The following DHRSX variants were observed in gnomAD, a reference collection of about 807,000 sequenced individuals.
The protein encoded by DHRSX is polyprenol dehydrogenase.
A neutral mutation model predicts 34.0 loss-of-function variants in DHRSX; 31 were observed. That is an observed-to-expected ratio of 0.91 (90% CI 0.69 to 1.23). The LOEUF (loss-of-function observed/expected upper bound fraction) is 1.23. Ranked by LOEUF, DHRSX falls within the 50% of genes most tolerant of loss-of-function variation. The pLI, the probability that DHRSX is intolerant of heterozygous loss-of-function variation, is 0.00. For missense variants in DHRSX, 414 were observed against 428.1 expected, an observed-to-expected ratio of 0.97 and a Z score of 0.29; for synonymous variants, 201 against 183.8, an observed-to-expected ratio of 1.09 and a Z score of -0.76.
intron 1 of DHRSX, among the ~76,000 whole-genome samples, chrX:2,425,920 G>C (rs998451086): frequency 1.3e-5 from 2 of 152,282 alleles, no homozygotes; most frequent in East Asian, 3.9e-4. Flanking sequence ...CAGTTGGCTA[G>C]TGTGAATGAT....
intron 1 of DHRSX, among the ~76,000 whole-genome samples, chrX:2,427,498 C>A (rs947824222): frequency 6.2e-4 from 95 of 152,316 alleles, no homozygotes; most frequent in Non-Finnish European, 1.2e-3. Flanking sequence ...CACAGTTCAG[C>A]ACAGGTGGTA....
At chrX:2,499,085 T>TC (rs1401450160) in intron 1 of DHRSX, among the ~76,000 whole-genome samples, 1 of 152,212 alleles carries the variant, frequency 6.6e-6, no homozygotes, top group Admixed American at 6.5e-5. Flanking sequence ...AAACATCCAC[T>TC]CCAGGCACGC....
At chrX:2,471,911 C>T (rs1256483955) in intron 1 of DHRSX, among the ~76,000 whole-genome samples, 2 of 151,860 alleles carry the variant, frequency 1.3e-5, no homozygotes, top group African/African-American at 4.8e-5. Flanking sequence ...TTTGGGAGGC[C>T]GTGGAGGGCA....
rs140118163 is a variant in DHRSX, at chrX:2,263,402, G to A, written c.596+3338C>T. Among the ~76,000 whole-genome samples the A allele has an allele frequency of 9.0e-3, 1,367 of 152,196 alleles. 17 individuals carry two copies. Among genetic ancestry groups the A allele is most frequent in the African/African-American group, 0.031 (1,296 of 41,538 alleles). The stretch of plus-strand genomic sequence containing the variant: ...AGGTGCCATGTGTGAACCAGGAAGC[G>A]GGTTCTCGCCAGACGCTGGCACACT... On this transcript the variant is annotated intron_variant, in intron 5 of 6. Transcript: ENST00000334651.
intron 3 of DHRSX, among the ~76,000 whole-genome samples, chrX:2,395,915 G>T (rs1009995191): frequency 1.3e-5 from 2 of 152,064 alleles, no homozygotes; most frequent in African/African-American, 4.8e-5. Context: ...GTCTCCCGAG[G>T]CTGCTGTGAC....
chrX:2,323,056 T>C (rs1445919925), intron 3 of DHRSX, among the ~76,000 whole-genome samples: 1 of 90,264 alleles, frequency 1.1e-5, no homozygotes, highest in African/African-American at 4.6e-5. Flanking sequence ...CCTGAGTATC[T>C]GGGATTACAG....
At chrX:2,451,645 G>T (rs1480889021) in intron 1 of DHRSX, among the ~76,000 whole-genome samples, 1 of 152,218 alleles carries the variant, frequency 6.6e-6, no homozygotes, top group Non-Finnish European at 1.5e-5. Context: ...CAGGCTGGCT[G>T]CGTCTCTCAC....
intron 2 of DHRSX, 111 bp from the exon 3 acceptor site, chrX:2,408,924 T>G: frequency 1.1e-6 from 1 of 912,358 alleles, no homozygotes; most frequent in Non-Finnish European, 1.7e-6. Context: ...ATCTGAAATG[T>G]GCCTTTGATG....
At chrX:2,359,559 A>C (rs1381500923) in intron 3 of DHRSX, among the ~76,000 whole-genome samples, 2 of 152,114 alleles carry the variant, frequency 1.3e-5, no homozygotes, top group Non-Finnish European at 2.9e-5. Flanking sequence ...GTGCACCTGT[A>C]ATCCCAGCTA....
rs773976596 is a variant in DHRSX at position 2,365,897 on chromosome X, T to C, written c.286+42848A>G. ...GGTTGATAGGTGTAGCAAACCACCA[T>C]GGCACATGTATACATATGAACTAGT... On this transcript the variant is annotated intron_variant, in intron 3 of 6. Transcript: ENST00000334651. Among the ~76,000 whole-genome samples the C allele has an allele frequency of 6.6e-5, 10 of 152,210 alleles. No homozygotes were observed. In the South Asian group the frequency reaches 1.9e-3, roughly 28 times the overall value.
At chrX:2,430,811 A>G (rs1226039783) in intron 1 of DHRSX, among the ~76,000 whole-genome samples, 1 of 151,124 alleles carries the variant, frequency 6.6e-6, no homozygotes, top group Non-Finnish European at 1.5e-5. Context: ...CCAGGAGTTC[A>G]AGACCAGCCT....
chrX:2,467,637 G>C (rs1460256840), intron 1 of DHRSX, among the ~76,000 whole-genome samples: 1 of 152,152 alleles, frequency 6.6e-6, no homozygotes, highest in Admixed American at 6.5e-5. Flanking sequence ...ATGTGTCATA[G>C]GTGGAAACAG....
chrX:2,495,125 T>C (rs774385546), intron 1 of DHRSX, among the ~76,000 whole-genome samples: 3 of 150,722 alleles, frequency 2.0e-5, no homozygotes, highest in African/African-American at 7.3e-5. Context: ...CTATCATTAT[T>C]ATCATTATTA....
intron 3 of DHRSX, among the ~76,000 whole-genome samples, chrX:2,306,828 C>T (rs999436919): frequency 2.0e-5 from 3 of 151,966 alleles, no homozygotes; most frequent in Admixed American, 1.3e-4. Flanking sequence ...GGAGGAATCC[C>T]TCCGCCTCAA....
At chrX:2,450,640 C>G (rs1269741585) in intron 1 of DHRSX, among the ~76,000 whole-genome samples, 1 of 151,714 alleles carries the variant, frequency 6.6e-6, no homozygotes, top group Non-Finnish European at 1.5e-5. Flanking sequence ...TTTATAAGCC[C>G]AAGTCCCACG....
chrX:2,310,163 C>A (rs1202036098), intron 3 of DHRSX, among the ~76,000 whole-genome samples: 1 of 152,060 alleles, frequency 6.6e-6, no homozygotes, highest in Non-Finnish European at 1.5e-5. Flanking sequence ...GTAGCAACAG[C>A]CGTCCTGCTA....
chrX:2,246,610 G>C (rs2016287873), intron 5 of DHRSX, among the ~76,000 whole-genome samples: 1 of 149,652 alleles, frequency 6.7e-6, no homozygotes, highest in Non-Finnish European at 1.5e-5. Flanking sequence ...GCAACAGAGT[G>C]AAAGTCTGTC....
At chrX:2,448,935 T>C (rs2044178187) in intron 1 of DHRSX, among the ~76,000 whole-genome samples, 2 of 152,140 alleles carry the variant, frequency 1.3e-5, no homozygotes, top group African/African-American at 4.8e-5. Context: ...ACGCCTGTCA[T>C]CCCAGCACTT....
intron 3 of DHRSX, among the ~76,000 whole-genome samples, chrX:2,374,007 G>A (rs1281921650): frequency 6.6e-6 from 1 of 152,180 alleles, no homozygotes; most frequent in South Asian, 2.1e-4. Flanking sequence ...AGAAACAGTC[G>A]TGCATGGAAT....
Sources: gnomAD v4.1 joint callset for allele counts (sites outside exome capture counted in the v4.1 genomes callset) on GRCh38, gnomAD v4.1.1 for gene constraint, MANE v1.5 for transcripts, NCBI Gene and HGNC (gene_info 2026-07-23, HGNC 2026-07-21) for gene names.